Variants in GUCY1A2 observed in about 807,000 individuals in gnomAD.
GUCY1A2 encodes the protein guanylate cyclase 1 soluble subunit alpha 2.
In GUCY1A2, 27 loss-of-function variants were observed where a neutral mutation model predicts 63.5. The observed-to-expected ratio is 0.43, with a 90% CI of 0.31 to 0.59. The LOEUF is 0.59. GUCY1A2 is among the 20% of genes least tolerant of loss of function. The probability of loss-of-function intolerance (pLI) is 0.11; values close to 1 mark genes in which losing one functional copy is unlikely to be tolerated. For synonymous variants in GUCY1A2, 364 were observed against 343.5 expected, an observed-to-expected ratio of 1.06 and a Z score of -0.66; for missense variants, 768 against 913.3, an observed-to-expected ratio of 0.84 and a Z score of 2.05.
At chr11:106,985,028 G>A (rs1223594034) in intron 2 of GUCY1A2, among the ~76,000 whole-genome samples, 1 of 151,796 alleles carries the variant, frequency 6.6e-6, no homozygotes, top group Non-Finnish European at 1.5e-5. Flanking sequence ...ACTAGGTACC[G>A]AGATTATTTT....
At chr11:106,692,674 C>T (rs1862645320) in intron 7 of GUCY1A2, among the ~76,000 whole-genome samples, 1 of 152,122 alleles carries the variant, frequency 6.6e-6, no homozygotes, top group Non-Finnish European at 1.5e-5. Flanking sequence ...TCAGTGAGTT[C>T]AGCAGTCAAC....
chr11:106,983,089 T>C (rs542368898), intron 2 of GUCY1A2, among the ~76,000 whole-genome samples: 1 of 152,244 alleles, frequency 6.6e-6, no homozygotes, highest in South Asian at 2.1e-4. Context: ...GAACCATTGG[T>C]TTCACATAAG....
At chr11:106,906,142 CAGAGT>C (rs1301847176) in intron 4 of GUCY1A2, among the ~76,000 whole-genome samples, 1 of 152,100 alleles carries the variant, frequency 6.6e-6, no homozygotes, top group Non-Finnish European at 1.5e-5. Context: ...AAACTGTCAT[CAGAGT>C]AAACAGGAAA....
At chr11:106,790,564 C>T (rs556993258) in intron 5 of GUCY1A2, among the ~76,000 whole-genome samples, 2 of 152,000 alleles carry the variant, frequency 1.3e-5, no homozygotes, top group Non-Finnish European at 2.9e-5. Context: ...CAGATGAAGT[C>T]GCTCACTGTA....
chr11:106,802,554 C>T (rs1858623916), intron 5 of GUCY1A2, among the ~76,000 whole-genome samples: 1 of 152,118 alleles, frequency 6.6e-6, no homozygotes, highest in Non-Finnish European at 1.5e-5. Context: ...TATACCTTCT[C>T]TTGGGATTTC....
At chr11:106,798,680 T>C (rs1406853710) in intron 5 of GUCY1A2, among the ~76,000 whole-genome samples, 1 of 152,072 alleles carries the variant, frequency 6.6e-6, no homozygotes, top group African/African-American at 2.4e-5. Context: ...ATTATCTCAA[T>C]AGATGCAGAA....
At position 106,800,802 on chromosome 11, in the gene GUCY1A2, G is replaced by C. The variant is rs1376744548; in HGVS notation, c.1692+9191C>G. ...TACCTAATGAAAATGACGAGTTAAT[G>C]GGTGCAGCACACCAACATGGCATGT... On this transcript the variant is annotated intron_variant, in intron 5 of 7. Coordinates refer to ENST00000526355, the MANE Select transcript of GUCY1A2 (RefSeq NM_000855.3). Among the ~76,000 whole-genome samples the C allele has an allele frequency of 3.3e-5, 5 of 151,952 alleles. No homozygotes were observed. In the East Asian group the frequency reaches 9.6e-4, roughly 29 times the overall value.
intron 6 of GUCY1A2, among the ~76,000 whole-genome samples, chr11:106,760,427 G>A (rs1411005342): frequency 2.0e-5 from 3 of 152,216 alleles, no homozygotes; most frequent in South Asian, 2.1e-4. Flanking sequence ...AAAGTGGGCC[G>A]AACTTCAAGG....
chr11:106,958,562 AG>A (rs1425616630), intron 3 of GUCY1A2, among the ~76,000 whole-genome samples: 1 of 152,046 alleles, frequency 6.6e-6, no homozygotes, highest in Non-Finnish European at 1.5e-5. Context: ...TATTTTTCAA[AG>A]AAGTAATTCC....
At chr11:106,827,440 A>T in intron 4 of GUCY1A2, 1 of 1,447,420 alleles carries the variant, frequency 6.9e-7, no homozygotes, top group Non-Finnish European at 9.7e-7. Flanking sequence ...GTTCCCTAAG[A>T]TCATTATTCT....
intron 2 of GUCY1A2, among the ~76,000 whole-genome samples, chr11:106,979,785 T>C (rs562304608): frequency 1.2e-4 from 18 of 152,190 alleles, no homozygotes; most frequent in Non-Finnish European, 2.5e-4. Flanking sequence ...AGAGCTCTTC[T>C]TCAGGACTTA....
At chr11:106,882,929 ATCAT>A (rs2135472659) in intron 4 of GUCY1A2, among the ~76,000 whole-genome samples, 1 of 152,154 alleles carries the variant, frequency 6.6e-6, no homozygotes, top group Admixed American at 6.6e-5. Context: ...TCCTCATCCC[ATCAT>A]TCAGATTCTC....
At chr11:106,764,675 A>T (rs986990069) in intron 6 of GUCY1A2, among the ~76,000 whole-genome samples, 4 of 152,110 alleles carry the variant, frequency 2.6e-5, no homozygotes, top group African/African-American at 9.6e-5. Flanking sequence ...TGTAAGAGAG[A>T]GAGTGCTCAC....
chr11:106,939,673 C>T lies in GUCY1A2; in HGVS notation c.993G>A (p.Leu331=). 1.2e-6 allele frequency: 2 copies of T among 1,613,938 alleles called. No homozygotes were observed. The highest frequency in any genetic ancestry group is 8.5e-7 in the Non-Finnish European group (1 of 1,179,900). Residue 331 remains leucine, a synonymous_variant, in exon 4 of 8, where the codon TTG becomes TTA. Coordinates refer to ENST00000526355, the MANE Select transcript of GUCY1A2 (RefSeq NM_000855.3). ...NTFCRAFPFH[L]MFDPSMSVLQ... is the part of the protein sequence containing the mutation. Reference sequence around the variant, plus strand: ...GGACTGACATGCTGGGATCAAACATCAAGTGGAAAGGGAAGGCTCTACAGA... The same window carrying T: ...GGACTGACATGCTGGGATCAAACATTAAGTGGAAAGGGAAGGCTCTACAGA...
intron 6 of GUCY1A2, chr11:106,746,422 A>G: frequency 1.9e-6 from 1 of 539,182 alleles, no homozygotes; most frequent in Non-Finnish European, 3.3e-6. Flanking sequence ...TACCAGTACT[A>G]CTACAAACAA....
intron 5 of GUCY1A2, among the ~76,000 whole-genome samples, chr11:106,790,153 T>C (rs775818262): frequency 9.9e-5 from 15 of 152,170 alleles, no homozygotes; most frequent in Admixed American, 3.3e-4. Context: ...ATAAAAAAAC[T>C]TGGAAGTCTA....
chr11:106,813,080 T>A (rs1183709573), intron 4 of GUCY1A2, among the ~76,000 whole-genome samples: 1 of 152,044 alleles, frequency 6.6e-6, no homozygotes, highest in Non-Finnish European at 1.5e-5. Flanking sequence ...AGCAAAACTA[T>A]TATAAGAACT....
intron 4 of GUCY1A2, among the ~76,000 whole-genome samples, chr11:106,841,808 C>T (rs767607728): frequency 6.6e-5 from 10 of 151,942 alleles, no homozygotes; most frequent in Non-Finnish European, 1.3e-4. Flanking sequence ...AGTGTATGAA[C>T]ATATATGCAA....
intron 4 of GUCY1A2, among the ~76,000 whole-genome samples, chr11:106,811,249 GA>G (rs1305984632): frequency 6.6e-6 from 1 of 151,996 alleles, no homozygotes; most frequent in African/African-American, 2.4e-5. Context: ...GATTTAATGG[GA>G]AACTTAGTGA....
Sources: allele counts gnomAD v4.1 joint callset (sites outside exome capture counted in the v4.1 genomes callset), GRCh38; gene constraint gnomAD v4.1.1; transcripts MANE v1.5; gene names NCBI Gene and HGNC (gene_info 2026-07-23, HGNC 2026-07-21).